Variants in PIK3AP1 observed in about 807,000 individuals in gnomAD.
The protein encoded by PIK3AP1 is phosphoinositide-3-kinase adaptor protein 1, also known as phosphoinositide 3-kinase adapter protein 1.
PIK3AP1 carries 21 observed loss-of-function variants against 88.1 expected under a neutral mutation model. The observed-to-expected ratio is 0.24, with a 90% CI of 0.17 to 0.34. PIK3AP1 has a LOEUF of 0.34. Ranked by LOEUF, PIK3AP1 falls within the 10% of genes least tolerant of loss-of-function variation. The pLI, the probability that PIK3AP1 is intolerant of heterozygous loss-of-function variation, is 1.00. For synonymous variants in PIK3AP1, 398 were observed against 400.0 expected, an observed-to-expected ratio of 1.00 and a Z score of 0.06; for missense variants, 828 against 1,035.7, an observed-to-expected ratio of 0.80 and a Z score of 2.75.
chr10:96,676,913 C>T lies in PIK3AP1; in HGVS notation c.431-19979G>A, dbSNP rs894370826. Among the ~76,000 whole-genome samples, 5 of 152,184 alleles carry T rather than the reference C, an allele frequency of 3.3e-5. 1 individual carries two copies. Among genetic ancestry groups the T allele is most frequent in the East Asian group, 3.9e-4 (2 of 5,176 alleles). On this transcript the variant is annotated intron_variant, in intron 2 of 16. Transcript: ENST00000339364. ...ACAGCATAGGGCACAGACTCAAGGA[C>T]GGACTGAACCCTCCCAACCAAGCCA...
intron 8 of PIK3AP1, among the ~76,000 whole-genome samples, chr10:96,636,102 T>G (rs1364871498): frequency 6.6e-6 from 1 of 150,684 alleles, no homozygotes; most frequent in Non-Finnish European, 1.5e-5. Flanking sequence ...ACCAGTAATC[T>G]CAGCTAAAGA....
chr10:96,613,511 T>C (rs796638509), intron 13 of PIK3AP1, among the ~76,000 whole-genome samples: 5 of 152,266 alleles, frequency 3.3e-5, no homozygotes, highest in African/African-American at 1.2e-4. Flanking sequence ...GCCCCTGATA[T>C]AAGAAGTACA....
intron 2 of PIK3AP1, among the ~76,000 whole-genome samples, chr10:96,669,029 G>A (rs779734199): frequency 6.6e-6 from 1 of 152,204 alleles, no homozygotes; most frequent in African/African-American, 2.4e-5. Flanking sequence ...CTACTCAGGA[G>A]GCTGAGACAG....
intron 1 of PIK3AP1, among the ~76,000 whole-genome samples, chr10:96,712,941 T>C (rs915748735): frequency 6.6e-6 from 1 of 152,342 alleles, no homozygotes; most frequent in East Asian, 1.9e-4. Context: ...CAGGAAGGGA[T>C]GGTTGTGGTC....
intron 3 of PIK3AP1, among the ~76,000 whole-genome samples, chr10:96,656,231 G>T (rs1843613221): frequency 6.6e-6 from 1 of 152,196 alleles, no homozygotes. Context: ...AATGGCAGTG[G>T]CTCATCAGTT....
At position 96,609,697 on chromosome 10, in the gene PIK3AP1, C is replaced by T. The variant is rs750243708; in HGVS notation, c.2170+15G>A. ...CAGTCAAGAAGACCCCACCCCCGCA[C>T]CCCCAGCTGCTCACTTGCTGTGCTG... On this transcript the variant is annotated intron_variant, in intron 14 of 16. Coordinates refer to ENST00000339364, the MANE Select transcript of PIK3AP1 (RefSeq NM_152309.3). 1.9e-6 allele frequency: 3 copies of T among 1,610,942 alleles called. No homozygotes were observed. The highest frequency in any genetic ancestry group is 1.1e-5 in the South Asian group (1 of 90,736).
chr10:96,643,800 G>A (rs973249101), intron 8 of PIK3AP1, among the ~76,000 whole-genome samples: 1 of 152,178 alleles, frequency 6.6e-6, no homozygotes, highest in Non-Finnish European at 1.5e-5. Context: ...GCCTCCCTGT[G>A]GGCCCAGGGC....
At chr10:96,717,832 C>T (rs1589555550) in intron 1 of PIK3AP1, among the ~76,000 whole-genome samples, 1 of 152,148 alleles carries the variant, frequency 6.6e-6, no homozygotes, top group Admixed American at 6.5e-5. Flanking sequence ...AGGCCAAGTC[C>T]ATTTCATTTT....
chr10:96,628,397 C>A lies in PIK3AP1; in HGVS notation c.1471+1G>T, dbSNP rs1405147884. ...CTTCCCTGCTCATGGCTATGACTTA[C>A]CTTCTAAAAACTTGCGGATCATAGA... is the stretch of plus-strand genomic sequence containing the variant. On this transcript the variant is annotated splice_donor_variant, in intron 9 of 16. Coordinates refer to ENST00000339364, the MANE Select transcript of PIK3AP1 (RefSeq NM_152309.3). LOFTEE classifies it high-confidence loss of function. The A allele has an allele frequency of 6.3e-7, 1 of 1,597,804 alleles. No homozygotes were observed. The highest frequency in any genetic ancestry group is 2.2e-5 in the East Asian group (1 of 44,806).
rs201975171 is a variant in PIK3AP1, at chr10:96,648,867, C to G, written c.989-12G>C. On this transcript the variant is annotated splice_polypyrimidine_tract_variant and intron_variant, in intron 6 of 16. Transcript: ENST00000339364. ...TTCATCCCTCTGATCTGAAAATTAT[C>G]AAGGAAAACTTAATAGGCAGATAAA... 1.2e-4 allele frequency: 188 copies of G among 1,541,722 alleles called. No individual in the cohort carries two copies. Among genetic ancestry groups the G allele is most frequent in the Admixed American group, 4.2e-4 (19 of 45,450 alleles).
chr10:96,661,516 TG>T, intron 2 of PIK3AP1, among the ~76,000 whole-genome samples: 1 of 152,082 alleles, frequency 6.6e-6, no homozygotes, highest in Non-Finnish European at 1.5e-5. Flanking sequence ...TGGATGTTGA[TG>T]GGGGTGGGAG....
intron 9 of PIK3AP1, 33 bp from the exon 10 acceptor site, chr10:96,626,938 T>A (rs1843162837): frequency 1.3e-6 from 2 of 1,574,950 alleles, no homozygotes; most frequent in East Asian, 4.5e-5. Flanking sequence ...CTGAAAGCAG[T>A]GGCCAAACAA....
In PIK3AP1 at chr10:96,709,827, T is replaced by C; in HGVS notation, c.170A>G (p.Asp57Gly). ...LGPEASFSAE[D>G]LSLFLSTRCV... ...GCGGGTGCTGAGGAAAAGGCTTAGG[T>C]CCTCTGCCGAGAAGGAGGCCTCGGG... The change falls in exon 2 of 17, where the codon GAC (aspartate) becomes GGC (glycine). Residue 57 changes from aspartate to glycine, a missense_variant. Asp to Gly is a moderately conservative substitution (Grantham distance 94). This residue lies in a region of PIK3AP1 where 610 missense variants were observed against 760.1 expected (regional missense o/e 0.80). Coordinates refer to ENST00000339364, the MANE Select transcript of PIK3AP1 (RefSeq NM_152309.3). 6.2e-7 allele frequency: 1 copy of C among 1,613,938 alleles called. No homozygotes were observed.
At chr10:96,609,299 C>T (rs945585679) in intron 14 of PIK3AP1, among the ~76,000 whole-genome samples, 2 of 152,164 alleles carry the variant, frequency 1.3e-5, no homozygotes. Flanking sequence ...GTTCAAATTC[C>T]GGCTATTCCA....
Position 96,594,831 on chromosome 10 carries a change from G to C in PIK3AP1, c.*746C>G, listed in dbSNP as rs1284564876. 6.6e-6 allele frequency: 1 copy of C among 152,230 alleles called. No individual in the cohort carries two copies. 9.4% of individuals were successfully genotyped at this position (152,230 alleles called of 1,614,324 possible). On this transcript the variant is annotated 3_prime_UTR_variant, in exon 17 of 17. Transcript: ENST00000339364. The surrounding 1 kb of genome is among the most constrained non-coding windows in gnomAD (Gnocchi z 4.6). Reference sequence around the variant, plus strand: ...GAGATACGGAAGATGGAAAATTCTGGAAGACCAATAGGCACTGATGAATTT... The same window carrying C: ...GAGATACGGAAGATGGAAAATTCTGCAAGACCAATAGGCACTGATGAATTT...
chr10:96,673,214 A>G (rs1843870974), intron 2 of PIK3AP1, among the ~76,000 whole-genome samples: 2 of 152,180 alleles, frequency 1.3e-5, no homozygotes, highest in Admixed American at 1.3e-4. Context: ...GTTGGAGGAA[A>G]ATCTACTTCC....
chr10:96,716,951 G>A (rs1487982974), intron 1 of PIK3AP1, among the ~76,000 whole-genome samples: 1 of 152,104 alleles, frequency 6.6e-6, no homozygotes, highest in East Asian at 1.9e-4. Flanking sequence ...AAAGAGAGGT[G>A]CCTTTGCAGG....
At chr10:96,662,244 A>G (rs1373604126) in intron 2 of PIK3AP1, among the ~76,000 whole-genome samples, 2 of 152,228 alleles carry the variant, frequency 1.3e-5, no homozygotes, top group Non-Finnish European at 2.9e-5. Context: ...TCAGCAATAA[A>G]GAGAAATAAA....
rs1479172980 is a variant in PIK3AP1 at position 96,594,645 on chromosome 10, T to C, written c.*932A>G. On this transcript the variant is annotated 3_prime_UTR_variant, in exon 17 of 17. Transcript: ENST00000339364. The surrounding 1 kb of genome is among the most constrained non-coding windows in gnomAD (Gnocchi z 4.6). ...TCTCTATGACCAGAAATAAAACCTA[T>C]AAAGGAAATAGAGCACTAAGTGGGG... 1 of 152,124 alleles carries C rather than the reference T, an allele frequency of 6.6e-6. No homozygotes were observed. The allele number at this position is 152,124 out of a possible 1,614,324, so 9.4% of individuals were successfully genotyped here.
Sources: gnomAD v4.1 joint callset for allele counts (sites outside exome capture counted in the v4.1 genomes callset) on GRCh38, gnomAD v4.1.1 for gene constraint, gnomAD v4.1.1 regional missense constraint, Gnocchi (gnomAD v3.1) non-coding constraint, MANE v1.5 for transcripts, NCBI Gene and HGNC (gene_info 2026-07-23, HGNC 2026-07-21) for gene names.